CSMD1: variants seen among roughly 807,000 people sequenced by gnomAD.
The protein encoded by CSMD1 is CUB and Sushi multiple domains 1, also known as CUB and sushi domain-containing protein 1.
Under a neutral mutation model 417.5 loss-of-function variants are expected in CSMD1, and 213 were observed. That is an observed-to-expected ratio of 0.51 (90% CI 0.46 to 0.57). The LOEUF (loss-of-function observed/expected upper bound fraction) is 0.57. CSMD1 is among the 20% of genes least tolerant of loss of function. The pLI is 0.00. For synonymous variants in CSMD1, 2,862 were observed against 1,736.8 expected, an observed-to-expected ratio of 1.65 and a Z score of -16.11; for missense variants, 6,923 against 4,529.7, an observed-to-expected ratio of 1.53 and a Z score of -15.17.
At chr8:2,982,287 C>T (rs1270457570) in intron 54 of CSMD1, among the ~76,000 whole-genome samples, 4 of 152,080 alleles carry the variant, frequency 2.6e-5, no homozygotes, top group Admixed American at 6.5e-5. Flanking sequence ...ACCCAGGATG[C>T]GGAAGCTGCA....
chr8:2,985,164 A>G (rs1229112307), intron 54 of CSMD1, among the ~76,000 whole-genome samples: 1 of 152,264 alleles, frequency 6.6e-6, no homozygotes, highest in African/African-American at 2.4e-5. Context: ...TACAGAATAT[A>G]GAAACCTTAA....
At chr8:4,080,755 A>G (rs1023372345) in intron 3 of CSMD1, among the ~76,000 whole-genome samples, 3 of 152,234 alleles carry the variant, frequency 2.0e-5, no homozygotes, top group African/African-American at 7.2e-5. Flanking sequence ...TTTTAATATA[A>G]GGTGAATAAG....
intron 25 of CSMD1, among the ~76,000 whole-genome samples, chr8:3,296,361 GGGGACT>G (rs1398317674): frequency 5.9e-5 from 9 of 151,982 alleles, no homozygotes; most frequent in Admixed American, 5.2e-4. Flanking sequence ...ACAGAGGAAG[GGGGACT>G]GGGAAGGAAG....
chr8:3,754,096 T>C (rs1309627335), intron 5 of CSMD1, 54 bp from the exon 6 acceptor site: 12 of 1,192,512 alleles, frequency 1.0e-5, no homozygotes, highest in Non-Finnish European at 1.4e-5. Context: ...AGAGCAAATG[T>C]CCTATATCAA....
intron 3 of CSMD1, among the ~76,000 whole-genome samples, chr8:4,164,007 T>C (rs1297803379): frequency 1.3e-5 from 2 of 152,182 alleles, no homozygotes; most frequent in Non-Finnish European, 2.9e-5. Context: ...TGAGGAGAAA[T>C]TAAATAAGCA....
At chr8:4,151,798 A>T (rs1796584677) in intron 3 of CSMD1, among the ~76,000 whole-genome samples, 1 of 152,224 alleles carries the variant, frequency 6.6e-6, no homozygotes. Context: ...ATTTTATATG[A>T]AAAATAATTG....
At chr8:4,633,901 T>G (rs1802684654) in intron 2 of CSMD1, among the ~76,000 whole-genome samples, 1 of 151,878 alleles carries the variant, frequency 6.6e-6, no homozygotes, top group Non-Finnish European at 1.5e-5. Flanking sequence ...ATTTGGTGAC[T>G]GCATGGTTGG....
chr8:3,962,831 ATGT>A (rs1250396418), intron 5 of CSMD1, among the ~76,000 whole-genome samples: 1 of 152,198 alleles, frequency 6.6e-6, no homozygotes, highest in Non-Finnish European at 1.5e-5. Context: ...CACATTTTAC[ATGT>A]TGTGATAAAA....
chr8:3,536,919 G>A (rs1009859276), intron 10 of CSMD1, among the ~76,000 whole-genome samples: 4 of 152,190 alleles, frequency 2.6e-5, no homozygotes, highest in Non-Finnish European at 5.9e-5. Flanking sequence ...TTGTACGATT[G>A]CCCTAGTCGT....
At chr8:3,637,267 T>C (rs1256844617) in intron 7 of CSMD1, among the ~76,000 whole-genome samples, 1 of 152,206 alleles carries the variant, frequency 6.6e-6, no homozygotes, top group African/African-American at 2.4e-5. Context: ...AAACAGGTTG[T>C]CTCACTTGCT....
intron 2 of CSMD1, among the ~76,000 whole-genome samples, chr8:4,614,112 G>C (rs898340302): frequency 1.3e-5 from 2 of 152,112 alleles, no homozygotes; most frequent in African/African-American, 4.8e-5. Context: ...AACGGACAGA[G>C]ATGCAATAAA....
intron 1 of CSMD1, among the ~76,000 whole-genome samples, chr8:4,830,054 C>A (rs1219863702): frequency 5.3e-5 from 8 of 152,194 alleles, no homozygotes; most frequent in African/African-American, 1.9e-4. Context: ...GGACTTATAC[C>A]TGTGCACGTC....
At chr8:4,654,781 C>T (rs947288542) in intron 1 of CSMD1, among the ~76,000 whole-genome samples, 1 of 152,024 alleles carries the variant, frequency 6.6e-6, no homozygotes, top group East Asian at 1.9e-4. Flanking sequence ...TCTGTGTACA[C>T]AGGCAGACAA....
chr8:4,061,605 T>C (rs1414830558), intron 3 of CSMD1, among the ~76,000 whole-genome samples: 1 of 152,212 alleles, frequency 6.6e-6, no homozygotes, highest in African/African-American at 2.4e-5. Flanking sequence ...TTCCAGACAC[T>C]AGGACCTGTT....
chr8:4,038,287 T>C (rs1474487356), intron 3 of CSMD1, among the ~76,000 whole-genome samples: 1 of 152,146 alleles, frequency 6.6e-6, no homozygotes, highest in Non-Finnish European at 1.5e-5. Context: ...TATTTTCTTC[T>C]AGTTTCAAAC....
intron 5 of CSMD1, among the ~76,000 whole-genome samples, chr8:3,908,909 G>T (rs1335463762): frequency 1.3e-5 from 2 of 152,192 alleles, no homozygotes; most frequent in Admixed American, 1.3e-4. Context: ...GATCACTCAT[G>T]CATCTATCTT....
chr8:4,195,365 G>C (rs958523488), intron 3 of CSMD1, among the ~76,000 whole-genome samples: 4 of 152,068 alleles, frequency 2.6e-5, no homozygotes, highest in Non-Finnish European at 5.9e-5. Flanking sequence ...TAACAAATTG[G>C]ATCTTCTATA....
chr8:4,710,159 T>C (rs1808197645), intron 1 of CSMD1, among the ~76,000 whole-genome samples: 1 of 152,008 alleles, frequency 6.6e-6, no homozygotes, highest in Admixed American at 6.6e-5. Flanking sequence ...AATTCCTGTC[T>C]GCATGCTTTC....
At chr8:3,623,200 A>C (rs1796339290) in intron 7 of CSMD1, among the ~76,000 whole-genome samples, 1 of 152,244 alleles carries the variant, frequency 6.6e-6, no homozygotes, top group Non-Finnish European at 1.5e-5. Flanking sequence ...ATATATTTTC[A>C]ATGACTTTTT....
Sources: allele counts gnomAD v4.1 joint callset (sites outside exome capture counted in the v4.1 genomes callset), GRCh38; gene constraint gnomAD v4.1.1; transcripts MANE v1.5; gene names NCBI Gene and HGNC (gene_info 2026-07-23, HGNC 2026-07-21).